DNAH12: variants seen among roughly 807,000 people sequenced by gnomAD.
The protein encoded by DNAH12 is axonemal beta dynein heavy chain 12.
Under a neutral mutation model 371.5 loss-of-function variants are expected in DNAH12, and 285 were observed. The ratio of observed to expected loss-of-function variants is 0.77; its 90% CI spans 0.70 to 0.85. The LOEUF (loss-of-function observed/expected upper bound fraction) is 0.85. Among genes scored for constraint, DNAH12 ranks in the 40% least tolerant of loss-of-function variants. The pLI is 0.00. For synonymous variants in DNAH12, 1,200 were observed against 1,213.0 expected, an observed-to-expected ratio of 0.99 and a Z score of 0.22; for missense variants, 3,611 against 3,689.4, an observed-to-expected ratio of 0.98 and a Z score of 0.55.
At chr3:57,345,610 C>T (rs1354044237) in intron 60 of DNAH12, among the ~76,000 whole-genome samples, 3 of 152,146 alleles carry the variant, frequency 2.0e-5, no homozygotes, top group Non-Finnish European at 4.4e-5. Flanking sequence ...TCAACAGCAA[C>T]AGGAGGTGGC....
At chr3:57,533,937 G>A (rs191731744) in intron 2 of DNAH12, among the ~76,000 whole-genome samples, 1 of 152,288 alleles carries the variant, frequency 6.6e-6, no homozygotes, top group East Asian at 1.9e-4. Flanking sequence ...ACTTACCTAG[G>A]AGTTGCAGTC....
intron 62 of DNAH12, among the ~76,000 whole-genome samples, chr3:57,324,884 G>C (rs940578892): frequency 6.6e-6 from 1 of 152,200 alleles, no homozygotes. Flanking sequence ...GCGCTTTTCC[G>C]ATGGGCTTAA....
chr3:57,317,684 G>A (rs2061716584), intron 65 of DNAH12, among the ~76,000 whole-genome samples: 2 of 151,986 alleles, frequency 1.3e-5, no homozygotes, highest in Non-Finnish European at 2.9e-5. Flanking sequence ...AATTTTTTTG[G>A]ATACTCAGAA....
intron 60 of DNAH12, among the ~76,000 whole-genome samples, chr3:57,341,146 A>G (rs1242653520): frequency 1.3e-5 from 2 of 151,278 alleles, no homozygotes; most frequent in Admixed American, 1.3e-4. Context: ...TAAAGGCTAT[A>G]TAAGACAAAC....
chr3:57,547,992 G>GA (rs2069591721), upstream of DNAH12, among the ~76,000 whole-genome samples: 2 of 152,072 alleles, frequency 1.3e-5, no homozygotes, highest in African/African-American at 4.8e-5. Flanking sequence ...AGATCATTTA[G>GA]AAAAAACATT....
intron 58 of DNAH12, 69 bp from the exon 59 acceptor site, chr3:57,357,417 G>C (rs2062825013): frequency 6.6e-6 from 1 of 152,006 alleles, no homozygotes; most frequent in African/African-American, 2.4e-5. Context: ...TTCATATAAT[G>C]AAGTATATAT....
At chr3:57,302,708 TGAG>T (rs2061386931) in intron 69 of DNAH12, among the ~76,000 whole-genome samples, 1 of 148,380 alleles carries the variant, frequency 6.7e-6, no homozygotes, top group Non-Finnish European at 1.5e-5. Context: ...CCTGCGTAAC[TGAG>T]ATTGCAGGCA....
intron 65 of DNAH12, among the ~76,000 whole-genome samples, chr3:57,318,511 G>T (rs1461887871): frequency 2.0e-5 from 3 of 151,638 alleles, no homozygotes; most frequent in East Asian, 3.9e-4. Context: ...TTTTCCTCTG[G>T]TCTGTATGTC....
Position 57,301,759 on chromosome 3 carries a change from G to A in DNAH12, c.11370C>T (p.Phe3790=). 1 of 1,547,646 alleles carries A rather than the reference G, an allele frequency of 6.5e-7. No homozygotes were observed. The highest frequency in any genetic ancestry group is 8.7e-7 in the Non-Finnish European group (1 of 1,145,754). The change falls in exon 70 of 74, where the codon TTC becomes TTT. Residue 3790 remains phenylalanine, a synonymous_variant. Transcript: ENST00000495027. ...CCTGTAAAAAGTTCAACCGGGCTAG[G>A]AAATCTGTGATGTAACTTCCCAGGG... ...LKPLGSYITD[F]LARLNFLQDW...
intron 69 of DNAH12, among the ~76,000 whole-genome samples, chr3:57,307,428 T>C (rs769771959): frequency 3.2e-4 from 48 of 152,272 alleles, no homozygotes; most frequent in Non-Finnish European, 6.5e-4. Context: ...GGCTGTGCAG[T>C]CAGAATTCTT....
rs920141359 is a variant in DNAH12 at position 57,483,495 on chromosome 3, C to T, written c.1531G>A (p.Glu511Lys). 9.7e-6 allele frequency: 15 copies of T among 1,550,124 alleles called. No individual in the cohort carries two copies. The highest frequency in any genetic ancestry group is 5.9e-5 in the Admixed American group (3 of 50,642). Residue 511 changes from glutamate to lysine, a missense_variant, in exon 13 of 74, where the codon GAA (glutamate) becomes AAA (lysine). Physicochemically the swap from Glu to Lys is moderately conservative, Grantham distance 56 (BLOSUM62 1). This residue lies in a region of DNAH12 where 1,314 missense variants were observed against 1,398.7 expected (regional missense o/e 0.94). Coordinates refer to ENST00000495027, the MANE Select transcript of DNAH12 (RefSeq NM_001366028.2). ...KENECICSEF[E>K]AIKEHALKVP... ...TTTAATGCATGTTCTTTAATTGCTT[C>T]AAATTCACTGCAAATACTGACATAA... is the stretch of plus-strand genomic sequence containing the variant.
At position 57,461,511 on chromosome 3, in the gene DNAH12, T is replaced by G. The variant is rs1410788937; in HGVS notation, c.2714A>C (p.Lys905Thr). Residue 905 changes from lysine (K) to threonine (T), a missense_variant, in exon 19 of 74, where the codon AAA becomes ACA. By Grantham distance (78) the Lys-to-Thr change is moderately conservative (BLOSUM62 -1). Coordinates refer to ENST00000495027, the MANE Select transcript of DNAH12 (RefSeq NM_001366028.2). ...TQTMRGSPFI[K>T]PFEHEIKAWE... ...TACCTTGATCTCATGTTCAAATGGT[T>G]TGATGAAAGGTGAGCCTCTCATTGT... 4 of 1,551,218 alleles carry G rather than the reference T, an allele frequency of 2.6e-6. No homozygotes were observed. The African/African-American group carries it at 4.1e-5, about 16-fold the overall frequency.
intron 69 of DNAH12, among the ~76,000 whole-genome samples, chr3:57,308,313 G>A (rs1305434380): frequency 3.3e-5 from 5 of 152,086 alleles, no homozygotes; most frequent in African/African-American, 1.2e-4. Context: ...AATCACCCAA[G>A]CAGTTCCTCA....
At chr3:57,445,145 C>T (rs1379452418) in intron 28 of DNAH12, 29 bp downstream of exon 28, 7 of 1,492,722 alleles carry the variant, frequency 4.7e-6, no homozygotes, top group Non-Finnish European at 6.3e-6. Context: ...TCTACTGAAA[C>T]TTTCCCAATG....
At chr3:57,443,419 T>C (rs1267217724) in intron 29 of DNAH12, among the ~76,000 whole-genome samples, 2 of 152,204 alleles carry the variant, frequency 1.3e-5, no homozygotes, top group Admixed American at 6.5e-5. Context: ...TTGTAATTAA[T>C]TTTAAACTAT....
intron 2 of DNAH12, among the ~76,000 whole-genome samples, chr3:57,538,157 C>T (rs183088574): frequency 9.2e-5 from 14 of 152,116 alleles, no homozygotes; most frequent in African/African-American, 2.4e-5. Flanking sequence ...AAGTGGAATT[C>T]AGTAAGAGGT....
intron 62 of DNAH12, among the ~76,000 whole-genome samples, chr3:57,324,279 G>A (rs2061879117): frequency 6.6e-6 from 1 of 151,824 alleles, no homozygotes; most frequent in South Asian, 2.1e-4. Context: ...TGTACTTTAG[G>A]TCCCTTTGTT....
intron 62 of DNAH12, among the ~76,000 whole-genome samples, chr3:57,333,298 C>T (rs1362866656): frequency 6.8e-6 from 1 of 146,286 alleles, no homozygotes; most frequent in East Asian, 2.0e-4. Flanking sequence ...CATGAGCCAC[C>T]GTGCCCGGAT....
chr3:57,500,301 A>G (rs1435714315), intron 11 of DNAH12, among the ~76,000 whole-genome samples: 1 of 152,196 alleles, frequency 6.6e-6, no homozygotes, highest in Non-Finnish European at 1.5e-5. Context: ...TTGGCCTCCT[A>G]AAGTGCTGAG....
Sources: gnomAD v4.1 joint callset for allele counts (sites outside exome capture counted in the v4.1 genomes callset) on GRCh38, gnomAD v4.1.1 for gene constraint, gnomAD v4.1.1 regional missense constraint, MANE v1.5 for transcripts, NCBI Gene and HGNC (gene_info 2026-07-23, HGNC 2026-07-21) for gene names.